ULK4: variants seen among roughly 807,000 people sequenced by gnomAD.
ULK4 encodes the protein unc-51 like kinase 4, also known as inactive serine/threonine-protein kinase ULK4.
In ULK4, 133 loss-of-function variants were observed where a neutral mutation model predicts 160.6. The observed-to-expected ratio is 0.83, with a 90% CI of 0.72 to 0.96. ULK4 has a LOEUF of 0.96. ULK4 is among the 40% of genes least tolerant of loss of function. The probability of loss-of-function intolerance (pLI) is 0.00; values close to 1 mark genes in which losing one functional copy is unlikely to be tolerated. For synonymous variants in ULK4, 534 were observed against 539.8 expected (o/e 0.99, Z 0.15); for missense variants, 1,580 against 1,499.5 (o/e 1.05, Z -0.89).
intron 35 of ULK4, among the ~76,000 whole-genome samples, chr3:41,334,768 T>G (rs1443580443): frequency 6.6e-6 from 1 of 152,214 alleles, no homozygotes; most frequent in African/African-American, 2.4e-5. Context: ...GAAAACATAT[T>G]TGAACATTTG....
intron 35 of ULK4, among the ~76,000 whole-genome samples, chr3:41,314,388 T>C (rs1412571072): frequency 6.6e-6 from 1 of 152,064 alleles, no homozygotes; most frequent in African/African-American, 2.4e-5. Context: ...GAGTCTCCAA[T>C]GTCTATTATT....
At chr3:41,880,345 A>G (rs973546252) in intron 17 of ULK4, among the ~76,000 whole-genome samples, 1 of 152,220 alleles carries the variant, frequency 6.6e-6, no homozygotes, top group African/African-American at 2.4e-5. Context: ...ATGTCAATAA[A>G]TGCTTCTAAA....
intron 31 of ULK4, among the ~76,000 whole-genome samples, chr3:41,580,376 AT>A (rs554626822): frequency 0.049 from 7,160 of 147,256 alleles, 444 homozygotes; most frequent in African/African-American, 0.15. Flanking sequence ...CCAATTATTT[AT>A]TTTTTTTTTT....
intron 30 of ULK4, among the ~76,000 whole-genome samples, chr3:41,621,430 G>A (rs1257170463): frequency 6.6e-6 from 1 of 152,084 alleles, no homozygotes; most frequent in African/African-American, 2.4e-5. Context: ...TAAACCAATG[G>A]AACAGAACAG....
At chr3:41,599,565 CTTTTTT>C (rs200055034) in intron 31 of ULK4, among the ~76,000 whole-genome samples, 1 of 130,764 alleles carries the variant, frequency 7.6e-6, no homozygotes, top group Admixed American at 7.9e-5. Context: ...TTTTCTTTTT[CTTTTTT>C]TTTTTTTTTT....
At chr3:41,954,227 G>T (rs1292596555) in intron 2 of ULK4, among the ~76,000 whole-genome samples, 1 of 151,240 alleles carries the variant, frequency 6.6e-6, no homozygotes, top group Non-Finnish European at 1.5e-5. Context: ...AGGCGTGGTG[G>T]TATGTGCCTG....
chr3:41,508,624 A>G (rs1259030291), intron 32 of ULK4, among the ~76,000 whole-genome samples: 1 of 152,190 alleles, frequency 6.6e-6, no homozygotes, highest in Admixed American at 6.5e-5. Context: ...GCCGAAAGAC[A>G]TAAAGATGGA....
intron 35 of ULK4, among the ~76,000 whole-genome samples, chr3:41,340,357 G>T (rs953331198): frequency 1.3e-5 from 2 of 152,236 alleles, no homozygotes; most frequent in African/African-American, 4.8e-5. Context: ...GTGGGAAGGG[G>T]GAGGCAGGTG....
rs555267271 is a variant in ULK4, at chr3:41,491,559, G to C, written c.3227-28306C>G. Among the ~76,000 whole-genome samples the C allele has an allele frequency of 4.6e-5, 7 of 152,140 alleles. 1 individual carries two copies. In the South Asian group the frequency reaches 1.5e-3, roughly 32 times the overall value. On this transcript the variant is annotated intron_variant, in intron 32 of 36. Transcript: ENST00000301831. Reference sequence around the variant, plus strand: ...CAGTGGAGAAAAGATGAAATATTCAGTTAACAGCATCATTACTAATGAGTA... The same window carrying C: ...CAGTGGAGAAAAGATGAAATATTCACTTAACAGCATCATTACTAATGAGTA...
At chr3:41,502,953 G>A (rs1334520605) in intron 32 of ULK4, among the ~76,000 whole-genome samples, 1 of 152,020 alleles carries the variant, frequency 6.6e-6, no homozygotes, top group African/African-American at 2.4e-5. Flanking sequence ...ATGTACAAAT[G>A]TCCATTAATT....
chr3:41,352,067 T>C (rs2125762394), intron 35 of ULK4, among the ~76,000 whole-genome samples: 1 of 152,236 alleles, frequency 6.6e-6, no homozygotes, highest in South Asian at 2.1e-4. Flanking sequence ...TTAAGGTGCA[T>C]GTGAAAAAAA....
chr3:41,810,387 GTTCT>G (rs1361430696), intron 19 of ULK4, among the ~76,000 whole-genome samples: 1 of 152,094 alleles, frequency 6.6e-6, no homozygotes, highest in Non-Finnish European at 1.5e-5. Context: ...CTCATCTAGG[GTTCT>G]TTATGAGATG....
At chr3:41,413,198 C>G (rs996620266) in intron 34 of ULK4, among the ~76,000 whole-genome samples, 2 of 152,132 alleles carry the variant, frequency 1.3e-5, no homozygotes, top group African/African-American at 4.8e-5. Flanking sequence ...ACCAGGGGAA[C>G]AGTATGGGGG....
chr3:41,794,524 C>G (rs1344036451), intron 20 of ULK4, among the ~76,000 whole-genome samples: 2 of 151,536 alleles, frequency 1.3e-5, no homozygotes, highest in Non-Finnish European at 2.9e-5. Context: ...ATTGGCCGGG[C>G]ATGGTGGACA....
At chr3:41,443,212 T>G (rs762199724) in intron 34 of ULK4, among the ~76,000 whole-genome samples, 1 of 152,226 alleles carries the variant, frequency 6.6e-6, no homozygotes, top group Non-Finnish European at 1.5e-5. Context: ...GGTAGTAGTT[T>G]CAATAATCCT....
Position 41,935,950 on chromosome 3 carries a change from G to A in ULK4, c.239-10C>T, listed in dbSNP as rs1276918945. On this transcript the variant is annotated splice_polypyrimidine_tract_variant and intron_variant, in intron 3 of 36. Coordinates refer to ENST00000301831, the MANE Select transcript of ULK4 (RefSeq NM_017886.4). ...GTTTTTAAGGAACCACCTGCAAGAG[G>A]TTGATTAAAATCACCCATTTCAACC... 3.7e-6 allele frequency: 6 copies of A among 1,611,810 alleles called. No individual in the cohort carries two copies. The East Asian group carries it at 1.3e-4, about 36-fold the overall frequency.
chr3:41,744,326 G>A (rs558329085), intron 22 of ULK4, among the ~76,000 whole-genome samples: 3 of 151,958 alleles, frequency 2.0e-5, no homozygotes, highest in African/African-American at 7.3e-5. Context: ...TATATGCAAT[G>A]ATATAGATAA....
chr3:41,522,464 A>C (rs1007558753), intron 32 of ULK4, among the ~76,000 whole-genome samples: 6 of 151,962 alleles, frequency 3.9e-5, no homozygotes, highest in African/African-American at 1.5e-4. Flanking sequence ...CTTTTACATT[A>C]AAAAAACACC....
intron 32 of ULK4, among the ~76,000 whole-genome samples, chr3:41,564,845 G>A (rs1434836061): frequency 2.6e-5 from 4 of 152,042 alleles, no homozygotes; most frequent in Admixed American, 2.0e-4. Context: ...AACATCCTAG[G>A]CCTTCACATT....
Sources: allele counts gnomAD v4.1 joint callset (sites outside exome capture counted in the v4.1 genomes callset), GRCh38; gene constraint gnomAD v4.1.1; transcripts MANE v1.5; gene names NCBI Gene and HGNC (gene_info 2026-07-23, HGNC 2026-07-21).